Variants in ABI2 observed in about 807,000 individuals in gnomAD.
The protein encoded by ABI2 is abelson interactor 2.
A neutral mutation model predicts 59.2 loss-of-function variants in ABI2; 25 were observed. The ratio of observed to expected loss-of-function variants is 0.42; its 90% CI spans 0.31 to 0.59. The LOEUF (loss-of-function observed/expected upper bound fraction) is 0.59, where lower values mean the gene tolerates loss of function less well. Among genes scored for constraint, ABI2 ranks in the 20% least tolerant of loss-of-function variants. The pLI is 0.14. For synonymous variants in ABI2, 213 were observed against 235.5 expected, an observed-to-expected ratio of 0.90 and a Z score of 0.87; for missense variants, 545 against 681.8, an observed-to-expected ratio of 0.80 and a Z score of 2.23.
intron 1 of ABI2, among the ~76,000 whole-genome samples, chr2:203,344,885 C>T (rs72507530): frequency 6.6e-6 from 1 of 152,092 alleles, no homozygotes; most frequent in Admixed American, 6.6e-5. Context: ...TGTAAATGCA[C>T]CAATAAGCAC....
Position 203,396,901 on chromosome 2 carries a change from G to T in ABI2, c.967G>T (p.Ala323Ser), listed in dbSNP as rs955207495. The T allele has an allele frequency of 2.6e-6, 4 of 1,530,874 alleles. No homozygotes were observed. The highest frequency in any genetic ancestry group is 3.5e-6 in the Non-Finnish European group (4 of 1,145,108). The allele number at this position is 1,530,874 out of a possible 1,614,324, so 94.8% of individuals were successfully genotyped here. A position where few individuals can be genotyped will look rare whatever the true frequency, so the allele number is the denominator to read the frequency against. Residue 323 changes from alanine to serine, a missense_variant, in exon 8 of 12, where the codon GCC (alanine) becomes TCC (serine). Physicochemically the swap from Ala to Ser is moderately conservative, Grantham distance 99. Coordinates refer to ENST00000261018, the MANE Select transcript of ABI2 (RefSeq NM_001375670.1). ...TGCCCCAGACGCTGCTGCTGGGGGT[G>T]CCCAGACCCTTGCTGATGGCTTCAC... ...STAPDAAAGGAQTLADGFTSP... is the reference protein window; with the variant it reads ...STAPDAAAGGSQTLADGFTSP...
chr2:203,331,732 G>C (rs1249630121), intron 1 of ABI2, among the ~76,000 whole-genome samples: 1 of 151,228 alleles, frequency 6.6e-6, no homozygotes, highest in Non-Finnish European at 1.5e-5. Context: ...ATTTTATTGT[G>C]TGGAAATGTA....
chr2:203,349,728 C>T (rs1376563613), intron 1 of ABI2, among the ~76,000 whole-genome samples: 4 of 148,892 alleles, frequency 2.7e-5, no homozygotes, highest in African/African-American at 2.5e-5. Context: ...TTTTTTTTTA[C>T]GGCTGAATAA....
At chr2:203,408,689 C>T (rs1055357534) in intron 9 of ABI2, among the ~76,000 whole-genome samples, 18 of 151,816 alleles carry the variant, frequency 1.2e-4, no homozygotes, top group African/African-American at 4.1e-4. Context: ...TTCTGTTACA[C>T]GGAAGGTTAG....
At chr2:203,373,927 G>A (rs1049605336) in intron 2 of ABI2, among the ~76,000 whole-genome samples, 2 of 152,294 alleles carry the variant, frequency 1.3e-5, no homozygotes, top group Admixed American at 1.3e-4. Context: ...GGGAGGCTGA[G>A]GCAGGCGGAT....
intron 9 of ABI2, among the ~76,000 whole-genome samples, chr2:203,407,056 A>G (rs1042500341): frequency 4.6e-5 from 7 of 152,206 alleles, no homozygotes; most frequent in African/African-American, 1.7e-4. Context: ...GTGAGCCAGA[A>G]TATACTGTCT....
chr2:203,362,411 T>C (rs2093643498), intron 1 of ABI2, among the ~76,000 whole-genome samples: 1 of 152,230 alleles, frequency 6.6e-6, no homozygotes, highest in South Asian at 2.1e-4. Context: ...GGGTAGTTGC[T>C]TTATATTCAC....
chr2:203,355,710 A>C (rs1381953212), intron 1 of ABI2, among the ~76,000 whole-genome samples: 1 of 151,560 alleles, frequency 6.6e-6, no homozygotes. Flanking sequence ...GCACGCCTGT[A>C]ATCCCAGCTA....
chr2:203,341,172 C>T (rs933681517), intron 1 of ABI2, among the ~76,000 whole-genome samples: 6 of 152,206 alleles, frequency 3.9e-5, no homozygotes, highest in Admixed American at 2.0e-4. Flanking sequence ...CTTGCTCACT[C>T]TCCCTTTGCT....
rs138509190 is a variant in ABI2, at chr2:203,381,999, A to G, written c.463-190A>G. On this transcript the variant is annotated intron_variant, in intron 3 of 11. Coordinates refer to ENST00000261018, the MANE Select transcript of ABI2 (RefSeq NM_001375670.1). The stretch of plus-strand genomic sequence containing the variant: ...TAAAACAGTATCTTAAATTCATCAG[A>G]GAAACTTCTGTTCATGACACATTCT... Among the ~76,000 whole-genome samples the G allele has an allele frequency of 4.3e-3, 656 of 152,332 alleles. 2 individuals are homozygous for G. Among genetic ancestry groups the G allele is most frequent in the South Asian group, 0.012 (56 of 4,824 alleles).
At chr2:203,399,210 C>G (rs2097125154) in intron 8 of ABI2, among the ~76,000 whole-genome samples, 1 of 152,112 alleles carries the variant, frequency 6.6e-6, no homozygotes, top group Admixed American at 6.6e-5. Context: ...CTTGGTGTTG[C>G]CTTTTTTAGC....
At chr2:203,348,793 G>A (rs1054839004) in intron 1 of ABI2, among the ~76,000 whole-genome samples, 1 of 150,596 alleles carries the variant, frequency 6.6e-6, no homozygotes, top group South Asian at 2.1e-4. Flanking sequence ...CTCCAGAGTG[G>A]TACATCATTA....
chr2:203,395,604 G>T, intron 6 of ABI2, 52 bp from the exon 7 acceptor site: 1 of 1,548,660 alleles, frequency 6.5e-7, no homozygotes, highest in South Asian at 1.2e-5. Flanking sequence ...AAGTGCTGAT[G>T]ATCTCTTACT....
At position 203,328,526 on chromosome 2, in the gene ABI2, G is replaced by T; in HGVS notation, c.12G>T (p.Leu4=). The change falls in exon 1 of 12, where the codon CTG becomes CTT. Residue 4 remains leucine (L), a synonymous_variant. Coordinates refer to ENST00000261018, the MANE Select transcript of ABI2 (RefSeq NM_001375670.1). The part of the protein sequence containing the change: MAE[L]QMLLEEEIPG... The stretch of plus-strand genomic sequence containing the variant: ...AGGAGGATGTGAAGATGGCGGAGCT[G>T]CAGATGCTGCTGGAAGAGGAAATCC... The T allele has an allele frequency of 6.2e-7, 1 of 1,604,800 alleles. No homozygotes were observed. The highest frequency in any genetic ancestry group is 8.5e-7 in the Non-Finnish European group (1 of 1,176,130).
At chr2:203,407,338 G>T (rs138479169) in intron 9 of ABI2, among the ~76,000 whole-genome samples, 92 of 152,154 alleles carry the variant, frequency 6.0e-4, no homozygotes, top group East Asian at 3.5e-3. Context: ...ATCTCAACTC[G>T]CATGGGCTAT....
At chr2:203,408,833 C>CTTTTTTTTTTTTTTTTTTT (rs1156536730) in intron 9 of ABI2, among the ~76,000 whole-genome samples, 9 of 87,214 alleles carry the variant, frequency 1.0e-4, no homozygotes, top group Non-Finnish European at 1.4e-4. Flanking sequence ...CTTCTCCTTT[C>CTTTTTTTTTTTTTTTTTTT]TTTTTTTTTT....
intron 8 of ABI2, 126 bp downstream of exon 8, chr2:203,397,093 A>G: frequency 2.5e-6 from 3 of 1,224,098 alleles, no homozygotes; most frequent in Non-Finnish European, 3.1e-6. Context: ...AGAATAATGT[A>G]CTAACCAGAA....
chr2:203,372,416 C>A (rs1368855677), intron 2 of ABI2, among the ~76,000 whole-genome samples: 1 of 152,260 alleles, frequency 6.6e-6, no homozygotes, highest in African/African-American at 2.4e-5. Flanking sequence ...CCATTGTCAT[C>A]CCGGCCCGTT....
In ABI2 at chr2:203,363,817, T is replaced by A. The variant is rs77022355; in HGVS notation, c.118-3060T>A. On this transcript the variant is annotated intron_variant, in intron 1 of 11. Transcript: ENST00000261018. Reference sequence around the variant, plus strand: ...TTTGCTTTTGTTACCCAGGCTGGAGTGCAATGGTGCGATCTCGGCTCACTG... The same window carrying A: ...TTTGCTTTTGTTACCCAGGCTGGAGAGCAATGGTGCGATCTCGGCTCACTG... Among the ~76,000 whole-genome samples the A allele has an allele frequency of 2.0e-5, 3 of 152,144 alleles. No individual in the cohort carries two copies. The East Asian group carries it at 5.8e-4, about 29-fold the overall frequency.
Sources: gnomAD v4.1 joint callset for allele counts (sites outside exome capture counted in the v4.1 genomes callset) on GRCh38, gnomAD v4.1.1 for gene constraint, MANE v1.5 for transcripts, NCBI Gene and HGNC (gene_info 2026-07-23, HGNC 2026-07-21) for gene names.